Variants in CIAO2A observed in about 807,000 individuals in gnomAD.
CIAO2A encodes MIP18 family protein FAM96A.
Under a neutral mutation model 22.4 loss-of-function variants are expected in CIAO2A, and 17 were observed. The observed-to-expected ratio is 0.76, with a 90% CI of 0.52 to 1.14. The LOEUF (loss-of-function observed/expected upper bound fraction) is 1.14. CIAO2A is among the 50% of genes most tolerant of loss of function. The pLI is 0.00. For synonymous variants in CIAO2A, 74 were observed against 72.3 expected (o/e 1.02, Z -0.12); for missense variants, 192 against 191.4 (o/e 1.00, Z -0.02).
At chr15:64,092,814 T>C (rs1056173377) in intron 1 of CIAO2A, among the ~76,000 whole-genome samples, 1 of 152,218 alleles carries the variant, frequency 6.6e-6, no homozygotes, top group South Asian at 2.1e-4. Flanking sequence ...CAATATTATA[T>C]CCAGTCTTTT....
At chr15:64,091,729 A>G (rs1481135268) in intron 1 of CIAO2A, among the ~76,000 whole-genome samples, 1 of 151,924 alleles carries the variant, frequency 6.6e-6, no homozygotes, top group Non-Finnish European at 1.5e-5. Flanking sequence ...CTAGTTTTCT[A>G]GTTTCTAGAT....
chr15:64,079,098 CA>C (rs1252243032), intron 3 of CIAO2A, among the ~76,000 whole-genome samples: 3 of 149,190 alleles, frequency 2.0e-5, no homozygotes, highest in African/African-American at 7.4e-5. Context: ...GCTTTAGTTA[CA>C]GAAATCAGGA....
intron 2 of CIAO2A, among the ~76,000 whole-genome samples, chr15:64,088,000 G>A (rs2080811122): frequency 6.6e-6 from 1 of 152,116 alleles, no homozygotes; most frequent in Admixed American, 6.6e-5. Flanking sequence ...TACATGCAGA[G>A]CTTCTTCATT....
At position 64,072,848 on chromosome 15, in the gene CIAO2A, T is replaced by C; in HGVS notation, c.*83A>G. 1 of 891,422 alleles carries C rather than the reference T, an allele frequency of 1.1e-6. No individual in the cohort carries two copies. Among genetic ancestry groups the C allele is most frequent in the Non-Finnish European group, 1.8e-6 (1 of 560,492 alleles). The allele number at this position is 891,422 out of a possible 1,614,324, so 55.2% of individuals were successfully genotyped here. A position where few individuals can be genotyped will look rare whatever the true frequency, so the allele number is the denominator to read the frequency against. On this transcript the variant is annotated 3_prime_UTR_variant, in exon 5 of 5. Coordinates refer to ENST00000300030, the MANE Select transcript of CIAO2A (RefSeq NM_032231.7). ...CTCTGAGGTACAAATCACCTATGTA[T>C]TAAACATGAGTCTCTGACATTATAC... is the stretch of plus-strand genomic sequence containing the variant.
chr15:64,073,517 A>G (rs1410531499), intron 4 of CIAO2A, among the ~76,000 whole-genome samples: 1 of 152,208 alleles, frequency 6.6e-6, no homozygotes, highest in African/African-American at 2.4e-5. Context: ...TCATTGATTT[A>G]CTTCCTAAAA....
rs111678513 is a variant in CIAO2A at position 64,093,770 on chromosome 15, T to G, written c.-2A>C. 5.0e-5 allele frequency: 81 copies of G among 1,609,760 alleles called. No individual in the cohort carries two copies. Among genetic ancestry groups the G allele is most frequent in the Middle Eastern group, 3.3e-4 (2 of 6,066 alleles). On this transcript the variant is annotated 5_prime_UTR_variant, in exon 1 of 5. Coordinates refer to ENST00000300030, the MANE Select transcript of CIAO2A (RefSeq NM_032231.7). Reference sequence around the variant, plus strand: ...GAGCAGCCCGGACACCCGCTGCATCTTCACGCTCAGCCATCCCTGGCGACT... The same window carrying G: ...GAGCAGCCCGGACACCCGCTGCATCGTCACGCTCAGCCATCCCTGGCGACT...
intron 3 of CIAO2A, among the ~76,000 whole-genome samples, chr15:64,077,507 T>C (rs1451030251): frequency 6.6e-6 from 1 of 152,164 alleles, no homozygotes; most frequent in Non-Finnish European, 1.5e-5. Context: ...GGGTAACCAA[T>C]TGATGAGGGG....
At chr15:64,073,142 T>C (rs1205194304) in intron 4 of CIAO2A, 114 bp from the exon 5 acceptor site, 1 of 622,672 alleles carries the variant, frequency 1.6e-6, no homozygotes, top group African/African-American at 1.8e-5. Context: ...AACTTAAACC[T>C]GTTTTTGGCT....
chr15:64,079,587 A>G (rs1042130059), intron 3 of CIAO2A, among the ~76,000 whole-genome samples: 1 of 152,194 alleles, frequency 6.6e-6, no homozygotes, highest in Admixed American at 6.5e-5. Context: ...GGGAACTCCA[A>G]GTAGACAGGG....
At chr15:64,090,865 G>T (rs1240891000) in intron 1 of CIAO2A, among the ~76,000 whole-genome samples, 1 of 152,152 alleles carries the variant, frequency 6.6e-6, no homozygotes, top group East Asian at 1.9e-4. Flanking sequence ...ATATAAGTTG[G>T]GAGGAGCGGA....
chr15:64,089,461 G>A (rs1271133898), intron 1 of CIAO2A, among the ~76,000 whole-genome samples: 2 of 151,436 alleles, frequency 1.3e-5, no homozygotes, highest in African/African-American at 4.9e-5. Flanking sequence ...GTTGAGAGCG[G>A]AGATCGTGTC....
intron 4 of CIAO2A, 52 bp from the exon 5 acceptor site, chr15:64,073,080 AC>A: frequency 8.2e-7 from 1 of 1,223,966 alleles, no homozygotes. Flanking sequence ...AATATACAGC[AC>A]CAGACAGTAT....
intron 4 of CIAO2A, chr15:64,073,741 C>T (rs1397430676): frequency 1.3e-5 from 2 of 152,208 alleles, no homozygotes; most frequent in East Asian, 1.9e-4. Context: ...GCATGAACCA[C>T]CACACCTGGC....
intron 4 of CIAO2A, among the ~76,000 whole-genome samples, chr15:64,073,328 A>T (rs910395664): frequency 6.6e-6 from 1 of 152,152 alleles, no homozygotes; most frequent in African/African-American, 2.4e-5. Context: ...TTTTTCCCCC[A>T]TAAGCCTATA....
At chr15:64,080,974 CTGAG>C in intron 3 of CIAO2A, 124 bp downstream of exon 3, 1 of 787,654 alleles carries the variant, frequency 1.3e-6, no homozygotes, top group Non-Finnish European at 2.0e-6. Flanking sequence ...TGTCCATCAA[CTGAG>C]TAACAGACAA....
At chr15:64,090,897 G>C (rs1012557523) in intron 1 of CIAO2A, among the ~76,000 whole-genome samples, 17 of 152,130 alleles carry the variant, frequency 1.1e-4, no homozygotes, top group African/African-American at 3.9e-4. Flanking sequence ...TAAGCAGAAG[G>C]GAGTGGGATC....
At chr15:64,086,376 C>T (rs1051547952) in intron 2 of CIAO2A, among the ~76,000 whole-genome samples, 6 of 151,874 alleles carry the variant, frequency 4.0e-5, no homozygotes, top group Admixed American at 1.3e-4. Context: ...TGCACCATTG[C>T]GCTCCAGCCT....
chr15:64,091,480 T>C (rs567265114), intron 1 of CIAO2A, among the ~76,000 whole-genome samples: 2,052 of 39,722 alleles, frequency 0.052, 23 homozygotes, highest in Non-Finnish European at 0.097. Flanking sequence ...AGAGACTCTG[T>C]CTCAAAAAAA....
At chr15:64,086,672 G>A (rs1225861197) in intron 2 of CIAO2A, among the ~76,000 whole-genome samples, 2 of 150,658 alleles carry the variant, frequency 1.3e-5, no homozygotes, top group Admixed American at 6.6e-5. Context: ...GGAGTGCAGT[G>A]GCGCAATCTC....
Sources: allele counts gnomAD v4.1 joint callset (sites outside exome capture counted in the v4.1 genomes callset), GRCh38; gene constraint gnomAD v4.1.1; transcripts MANE v1.5; gene names NCBI Gene and HGNC (gene_info 2026-07-23, HGNC 2026-07-21).